The following DCBLD2 variants were observed in gnomAD, a reference collection of about 807,000 sequenced individuals.
DCBLD2 encodes the protein discoidin, CUB and LCCL domain-containing protein 2.
DCBLD2 carries 54 observed loss-of-function variants against 86.8 expected under a neutral mutation model. The observed-to-expected ratio is 0.62, with a 90% CI of 0.50 to 0.78. The LOEUF is 0.78. DCBLD2 is among the 30% of genes least tolerant of loss of function. The probability of loss-of-function intolerance (pLI) is 0.00; values close to 1 mark genes in which losing one functional copy is unlikely to be tolerated. For synonymous variants in DCBLD2, 354 were observed against 341.3 expected, an observed-to-expected ratio of 1.04 and a Z score of -0.41; for missense variants, 908 against 954.2, an observed-to-expected ratio of 0.95 and a Z score of 0.64.
intron 1 of DCBLD2, among the ~76,000 whole-genome samples, chr3:98,891,799 C>T (rs941277029): frequency 6.6e-6 from 1 of 152,154 alleles, no homozygotes; most frequent in African/African-American, 2.4e-5. Flanking sequence ...AACGTCCCTC[C>T]TCCTTTTATC....
In DCBLD2 at chr3:98,822,691, G is replaced by A. The variant is rs1228568683; in HGVS notation, c.674C>T (p.Thr225Ile). The A allele has an allele frequency of 1.9e-6, 3 of 1,595,008 alleles. No homozygotes were observed. The highest frequency in any genetic ancestry group is 2.7e-5 in the African/African-American group (2 of 74,604). The change falls in exon 5 of 16, where the codon ACA (threonine) becomes ATA (isoleucine). Residue 225 changes from threonine to isoleucine, a missense_variant. By Grantham distance (89) the Thr-to-Ile change is moderately conservative (BLOSUM62 -1). Coordinates refer to ENST00000326840, the MANE Select transcript of DCBLD2 (RefSeq NM_080927.4). ...TACATCTCTATATCCATGAGGAATTGTTCCAGATATCTCAGCAAAAGGAAG... is the reference window on the plus strand; with the variant it reads ...TACATCTCTATATCCATGAGGAATTATTCCAGATATCTCAGCAAAAGGAAG... ...CLLPFAEISG[T>I]IPHGYRDSSP...
At chr3:98,845,972 T>G (rs748059501) in intron 3 of DCBLD2, among the ~76,000 whole-genome samples, 1 of 152,224 alleles carries the variant, frequency 6.6e-6, no homozygotes, top group Non-Finnish European at 1.5e-5. Context: ...TGGTGATTCT[T>G]TCACCATACT....
At chr3:98,803,569 T>G (rs539161565) in intron 13 of DCBLD2, among the ~76,000 whole-genome samples, 1 of 152,338 alleles carries the variant, frequency 6.6e-6, no homozygotes, top group African/African-American at 2.4e-5. Flanking sequence ...TGGCCAGAAC[T>G]TCCAACACTA....
chr3:98,846,291 A>G (rs1278970232), intron 3 of DCBLD2, among the ~76,000 whole-genome samples: 1 of 152,132 alleles, frequency 6.6e-6, no homozygotes, highest in African/African-American at 2.4e-5. Context: ...ATTCCCAAAT[A>G]CTCTAAATCT....
chr3:98,868,898 T>C (rs1943209584), intron 2 of DCBLD2, among the ~76,000 whole-genome samples: 1 of 152,204 alleles, frequency 6.6e-6, no homozygotes, highest in Non-Finnish European at 1.5e-5. Context: ...ATTCCGTATC[T>C]TTTCCATGGT....
Position 98,901,452 on chromosome 3 carries a change from C to T in DCBLD2, c.-126G>A. Reference sequence around the variant, plus strand: ...AACAAGAGGCAGCCCTCGCCTCACCCCGCGCCGGGACCCTTCCGCCCCTCA... The same window carrying T: ...AACAAGAGGCAGCCCTCGCCTCACCTCGCGCCGGGACCCTTCCGCCCCTCA... On this transcript the variant is annotated 5_prime_UTR_variant, in exon 1 of 16. Coordinates refer to ENST00000326840, the MANE Select transcript of DCBLD2 (RefSeq NM_080927.4). 6 of 988,966 alleles carry T rather than the reference C, an allele frequency of 6.1e-6. No individual in the cohort carries two copies. Among genetic ancestry groups the T allele is most frequent in the South Asian group, 4.4e-5 (1 of 22,780 alleles). The allele number at this position is 988,966 out of a possible 1,614,324, so 61.3% of individuals were successfully genotyped here. A position where few individuals can be genotyped will look rare whatever the true frequency, so the allele number is the denominator to read the frequency against.
At chr3:98,862,109 A>C (rs991984216) in intron 2 of DCBLD2, among the ~76,000 whole-genome samples, 29 of 152,220 alleles carry the variant, frequency 1.9e-4, no homozygotes, top group African/African-American at 6.5e-4. Flanking sequence ...ACGCAAATAA[A>C]CAAGAAAATC....
chr3:98,802,692 T>TATA (rs1163440143), intron 13 of DCBLD2, among the ~76,000 whole-genome samples: 2 of 152,222 alleles, frequency 1.3e-5, no homozygotes, highest in Non-Finnish European at 2.9e-5. Flanking sequence ...GTCTAACATT[T>TATA]AAGTCTTTAA....
intron 12 of DCBLD2, among the ~76,000 whole-genome samples, chr3:98,810,291 TTCTC>T (rs1307322376): frequency 1.3e-5 from 2 of 152,208 alleles, no homozygotes; most frequent in Non-Finnish European, 1.5e-5. Flanking sequence ...GAACCCTTGA[TTCTC>T]TCTAGCTGTA....
chr3:98,839,026 GGGAGAGGGAGA>G (rs1559781267), intron 3 of DCBLD2, among the ~76,000 whole-genome samples: 4 of 151,444 alleles, frequency 2.6e-5, no homozygotes, highest in Non-Finnish European at 5.9e-5. Context: ...GGAGACCGTC[GGGAGAGGGAGA>G]GGGAGAGGGA....
intron 3 of DCBLD2, 96 bp downstream of exon 3, chr3:98,849,365 A>G (rs1450118950): frequency 6.8e-7 from 1 of 1,479,288 alleles, no homozygotes; most frequent in Non-Finnish European, 9.4e-7. Context: ...TTTCTGCTCT[A>G]TTCCAATTTC....
Position 98,796,001 on chromosome 3 carries a change from G to A in DCBLD2, c.*3371C>T, listed in dbSNP as rs1023317964. 11 of 152,514 alleles carry A rather than the reference G, an allele frequency of 7.2e-5. No homozygotes were observed. The highest frequency in any genetic ancestry group is 2.7e-4 in the African/African-American group (11 of 41,418). The allele number at this position is 152,514 out of a possible 1,614,324, so 9.4% of individuals were successfully genotyped here. ...ATAAGGAAAAGCTACAAACCTCAAG[G>A]TTGTTTTATTTAAACCAAATAATCT... On this transcript the variant is annotated 3_prime_UTR_variant, in exon 16 of 16. Transcript: ENST00000326840.
At chr3:98,872,882 T>C (rs1230909505) in intron 2 of DCBLD2, among the ~76,000 whole-genome samples, 1 of 152,140 alleles carries the variant, frequency 6.6e-6, no homozygotes, top group African/African-American at 2.4e-5. Flanking sequence ...CAGTTATAAA[T>C]AAATGCGAAT....
intron 2 of DCBLD2, among the ~76,000 whole-genome samples, chr3:98,868,375 CT>C (rs970724314): frequency 6.6e-6 from 1 of 152,044 alleles, no homozygotes; most frequent in African/African-American, 2.4e-5. Context: ...ATGATACATG[CT>C]GTGTGTTATG....
rs1403383760 is a variant in DCBLD2 at position 98,812,510 on chromosome 3, C to T, written c.1213-28G>A. ...TTAAAAAAACAACAAAAAATTGGTA[C>T]TTCAAATCAATAGAGGTCAGGGCTA... On this transcript the variant is annotated intron_variant, in intron 9 of 15. Coordinates refer to ENST00000326840, the MANE Select transcript of DCBLD2 (RefSeq NM_080927.4). 2.5e-6 allele frequency: 4 copies of T among 1,595,464 alleles called. No individual in the cohort carries two copies. The African/African-American group carries it at 5.4e-5, about 21-fold the overall frequency.
intron 3 of DCBLD2, among the ~76,000 whole-genome samples, chr3:98,834,639 T>G: frequency 6.6e-6 from 1 of 150,536 alleles, no homozygotes. Flanking sequence ...CTCATTCTTT[T>G]TCATTGCTGA....
At chr3:98,901,003 C>T in intron 1 of DCBLD2, 119 bp downstream of exon 1, 2 of 1,492,240 alleles carry the variant, frequency 1.3e-6, no homozygotes, top group Non-Finnish European at 1.8e-6. Context: ...CAGCCAGGTC[C>T]GGCCACGCAC....
At chr3:98,838,092 G>T (rs1487216409) in intron 3 of DCBLD2, among the ~76,000 whole-genome samples, 2 of 141,388 alleles carry the variant, frequency 1.4e-5, no homozygotes, top group Non-Finnish European at 3.1e-5. Flanking sequence ...GCCAGGCCGG[G>T]GGCTGAACCC....
intron 3 of DCBLD2, among the ~76,000 whole-genome samples, chr3:98,831,966 C>T (rs1095916): frequency 0.14 from 21,753 of 151,974 alleles, 2,099 homozygotes; most frequent in Middle Eastern, 0.22. Flanking sequence ...ACATTTGGTC[C>T]AGTGTTGAGT....
Sources: allele counts gnomAD v4.1 joint callset (sites outside exome capture counted in the v4.1 genomes callset), GRCh38; gene constraint gnomAD v4.1.1; transcripts MANE v1.5; gene names NCBI Gene and HGNC (gene_info 2026-07-23, HGNC 2026-07-21).